Variants in C16orf89 observed in about 807,000 individuals in gnomAD.
C16orf89 encodes the protein chromosome 16 open reading frame 89.
A neutral mutation model predicts 41.5 loss-of-function variants in C16orf89; 57 were observed. That is an observed-to-expected ratio of 1.38 (90% CI 1.11 to 1.71). C16orf89 has a LOEUF of 1.71. Among genes scored for constraint, C16orf89 ranks in the 40% most tolerant of loss-of-function variants. The pLI is 0.00. For missense variants in C16orf89, 575 were observed against 445.9 expected (o/e 1.29, Z -2.61); for synonymous variants, 223 against 190.6 (o/e 1.17, Z -1.40).
At chr16:5,061,733 C>T (rs1044239288) in intron 2 of C16orf89, among the ~76,000 whole-genome samples, 1 of 152,138 alleles carries the variant, frequency 6.6e-6, no homozygotes, top group East Asian at 1.9e-4. Flanking sequence ...GGCTGGACTG[C>T]CGTGTGAGCA....
chr16:5,054,891 C>T (rs1283551387), intron 6 of C16orf89, among the ~76,000 whole-genome samples: 1 of 152,176 alleles, frequency 6.6e-6, no homozygotes, highest in Non-Finnish European at 1.5e-5. Context: ...TGTGAGGCCT[C>T]CCCAGCAGTG....
intron 2 of C16orf89, 47 bp from the exon 3 acceptor site, chr16:5,060,483 G>A (rs769409013): frequency 4.2e-5 from 65 of 1,560,600 alleles, no homozygotes; most frequent in Non-Finnish European, 5.3e-5. Flanking sequence ...GGGTGACCCA[G>A]GAGCAGTGGG....
intron 5 of C16orf89, 188 bp downstream of exon 5, chr16:5,055,865 T>A (rs989472888): frequency 3.9e-6 from 5 of 1,267,106 alleles, no homozygotes; most frequent in Admixed American, 2.1e-5. Context: ...ATACTAAAAA[T>A]GGATTCATTG....
At chr16:5,062,014 T>G (rs1956637079) in intron 2 of C16orf89, among the ~76,000 whole-genome samples, 1 of 152,334 alleles carries the variant, frequency 6.6e-6, no homozygotes, top group East Asian at 1.9e-4. Flanking sequence ...CGGGAATTTC[T>G]ACTGACATTT....
chr16:5,056,471 C>A (rs752708650), intron 4 of C16orf89, among the ~76,000 whole-genome samples: 4 of 152,118 alleles, frequency 2.6e-5, no homozygotes, highest in Admixed American at 6.5e-5. Context: ...AGGGCGAGGC[C>A]TCTAGAAACG....
chr16:5,060,427 A>C lies in C16orf89; in HGVS notation c.368T>G (p.Leu123Arg), dbSNP rs755467339. The C allele has an allele frequency of 1.2e-6, 2 of 1,612,496 alleles. No homozygotes were observed. Among genetic ancestry groups the C allele is most frequent in the Non-Finnish European group, 1.7e-6 (2 of 1,179,352 alleles). The change falls in exon 3 of 8, where the codon CTG becomes CGG. Residue 123 changes from leucine (L) to arginine (R), a missense_variant. Transcript: ENST00000472572. ...CTTCCAAAACCCGGGCTGGAGGGTC[A>C]GCTGGAACTCTGGCAGAGAGGACAG... ...SDPKYLREFQ[L>R]TLQPGFWKLP...
rs781424335 is a variant in C16orf89, at chr16:5,060,406, CAA to C, written c.387_388del (p.Phe129LeufsTer11). ...GTGGATCCAGGCATGTGGGAGCTTC[CAA>C]AACCCGGGCTGGAGGGTCAGCTGGA... On this transcript the variant is annotated frameshift_variant, in exon 3 of 8. Transcript: ENST00000472572. LOFTEE classifies it high-confidence loss of function. 2.5e-6 allele frequency: 4 copies of C among 1,612,932 alleles called. No individual in the cohort carries two copies. The highest frequency in any genetic ancestry group is 3.4e-6 in the Non-Finnish European group (4 of 1,179,580).
At chr16:5,052,306 TGG>T in intron 6 of C16orf89, among the ~76,000 whole-genome samples, 1 of 151,598 alleles carries the variant, frequency 6.6e-6, no homozygotes, top group African/African-American at 2.4e-5. Flanking sequence ...AGACAAAAAA[TGG>T]CCAAGCGCAG....
At chr16:5,054,171 A>G (rs985453289) in intron 6 of C16orf89, among the ~76,000 whole-genome samples, 10 of 152,222 alleles carry the variant, frequency 6.6e-5, no homozygotes, top group Non-Finnish European at 2.9e-5. Flanking sequence ...GGACACTAGC[A>G]TTTCCTGGGA....
intron 7 of C16orf89, 68 bp from the exon 8 acceptor site, chr16:5,044,546 T>C: frequency 6.3e-7 from 1 of 1,597,350 alleles, no homozygotes; most frequent in African/African-American, 1.3e-5. Flanking sequence ...CACAGTCTCA[T>C]TGAAAGTGCT....
chr16:5,057,247 AAAG>A (rs1217316037), intron 4 of C16orf89, among the ~76,000 whole-genome samples: 6 of 147,222 alleles, frequency 4.1e-5, no homozygotes, highest in South Asian at 2.1e-4. Context: ...AAAAAAAAAA[AAAG>A]AAGGAAAAGA....
At position 5,065,559 on chromosome 16, in the gene C16orf89, C is replaced by T. The variant is rs1317154746; in HGVS notation, c.208+142G>A. On this transcript the variant is annotated intron_variant, in intron 1 of 7. Coordinates refer to ENST00000472572, the MANE Select transcript of C16orf89 (RefSeq NM_001098514.3). ...CACAGCCGCCAGGAAGATCCAGCCC[C>T]TGGCCTCCTCTCTCCTTATAGCCGA... is the stretch of plus-strand genomic sequence containing the variant. The T allele has an allele frequency of 6.9e-6, 7 of 1,007,812 alleles. No individual in the cohort carries two copies. The East Asian group carries it at 1.6e-4, about 23-fold the overall frequency. The allele number at this position is 1,007,812 out of a possible 1,614,324, so 62.4% of individuals were successfully genotyped here.
At chr16:5,060,189 C>T (rs1023314927) in intron 3 of C16orf89, 97 bp downstream of exon 3, 57 of 1,410,980 alleles carry the variant, frequency 4.0e-5, no homozygotes, top group Admixed American at 2.8e-4. Context: ...AAACCCCTGG[C>T]TTCAGCCCTA....
At chr16:5,053,100 G>C (rs1385402008) in intron 6 of C16orf89, among the ~76,000 whole-genome samples, 1 of 152,132 alleles carries the variant, frequency 6.6e-6, no homozygotes, top group East Asian at 1.9e-4. Context: ...GCAGTGTTGA[G>C]GCAGGGTGCC....
Position 5,058,532 on chromosome 16 carries a change from G to T in C16orf89, c.588C>A (p.Cys196Ter), listed in dbSNP as rs1288339155. The change falls in exon 4 of 8, where the codon TGC becomes TGA. Residue 196 changes from cysteine (C) to a stop codon, truncating the protein, a stop_gained. Transcript: ENST00000472572. LOFTEE classifies it high-confidence loss of function. ...LMTKPGCSGY[C>*]LSHQLLFFLW... Reference sequence around the variant, plus strand: ...GGAAGAAGAGCAGTTGGTGGGACAGGCAGTAGCCTGAGCAGCCGGGCTTGG... The same window carrying T: ...GGAAGAAGAGCAGTTGGTGGGACAGTCAGTAGCCTGAGCAGCCGGGCTTGG... 3.7e-6 allele frequency: 6 copies of T among 1,612,436 alleles called. 1 individual carries two copies. The East Asian group carries it at 1.1e-4, about 30-fold the overall frequency.
chr16:5,052,845 C>A (rs55994175), intron 6 of C16orf89, among the ~76,000 whole-genome samples: 1 of 152,164 alleles, frequency 6.6e-6, no homozygotes, highest in Non-Finnish European at 1.5e-5. Context: ...TATTGCAGCG[C>A]TATTCACAGT....
chr16:5,061,734 C>T (rs1231392487), intron 2 of C16orf89, among the ~76,000 whole-genome samples: 1 of 152,068 alleles, frequency 6.6e-6, no homozygotes, highest in African/African-American at 2.4e-5. Context: ...GCTGGACTGC[C>T]GTGTGAGCAT....
chr16:5,047,742 C>T (rs1157620286), intron 7 of C16orf89, 136 bp downstream of exon 7: 9 of 667,146 alleles, frequency 1.3e-5, no homozygotes, highest in Non-Finnish European at 2.2e-5. Flanking sequence ...CACCTCTCAA[C>T]ATGAAGGCCC....
chr16:5,045,601 A>T (rs1166395922), intron 7 of C16orf89, among the ~76,000 whole-genome samples: 1 of 152,142 alleles, frequency 6.6e-6, no homozygotes, highest in African/African-American at 2.4e-5. Context: ...CTGGCAGCTC[A>T]TGCCTCTCAG....
Sources: gnomAD v4.1 joint callset for allele counts (sites outside exome capture counted in the v4.1 genomes callset) on GRCh38, gnomAD v4.1.1 for gene constraint, MANE v1.5 for transcripts, NCBI Gene and HGNC (gene_info 2026-07-23, HGNC 2026-07-21) for gene names.